KCNIP4: variants seen among roughly 807,000 people sequenced by gnomAD.
The protein encoded by KCNIP4 is potassium voltage-gated channel interacting protein 4.
A neutral mutation model predicts 34.0 loss-of-function variants in KCNIP4; 12 were observed. The ratio of observed to expected loss-of-function variants is 0.35; its 90% confidence interval spans 0.23 to 0.57. The LOEUF is 0.57. KCNIP4 is among the 20% of genes least tolerant of loss of function. KCNIP4 has a pLI of 0.83. For missense variants in KCNIP4, 238 were observed against 311.7 expected, an observed-to-expected ratio of 0.76 and a Z score of 1.78; for synonymous variants, 124 against 102.2, an observed-to-expected ratio of 1.21 and a Z score of -1.29.
intron 1 of KCNIP4, among the ~76,000 whole-genome samples, chr4:21,889,796 C>T (rs925665349): frequency 3.3e-5 from 5 of 152,096 alleles, no homozygotes; most frequent in African/African-American, 9.7e-5. Flanking sequence ...CAGGCAAGAC[C>T]GAATAATGCT....
In KCNIP4 at chr4:20,836,684, G is replaced by T. The variant is rs1171987509; in HGVS notation, c.288+13859C>A. The stretch of plus-strand genomic sequence containing the variant: ...CCACTCACATTATCAAGGGTAATCT[G>T]ATCTACTTAAAGTCAACTGATTATA... On this transcript the variant is annotated intron_variant, in intron 3 of 8. Coordinates refer to ENST00000382152, the MANE Select transcript of KCNIP4 (RefSeq NM_025221.6). Among the ~76,000 whole-genome samples, 3 of 152,134 alleles carry T rather than the reference G, an allele frequency of 2.0e-5. No individual in the cohort carries two copies. The East Asian group carries it at 5.8e-4, about 29-fold the overall frequency.
intron 1 of KCNIP4, among the ~76,000 whole-genome samples, chr4:21,442,282 G>A (rs1431676220): frequency 6.6e-6 from 1 of 152,106 alleles, no homozygotes; most frequent in Non-Finnish European, 1.5e-5. Context: ...TAGCACTTGT[G>A]GTTCATCATG....
intron 1 of KCNIP4, among the ~76,000 whole-genome samples, chr4:21,870,416 T>G (rs1725718430): frequency 6.6e-6 from 1 of 152,138 alleles, no homozygotes; most frequent in Admixed American, 6.6e-5. Flanking sequence ...GGGTCTAGCT[T>G]ATAGTAACCT....
In KCNIP4 at chr4:21,665,105, G is replaced by A. The variant is rs6822306; in HGVS notation, c.61+283466C>T. On this transcript the variant is annotated intron_variant, in intron 1 of 8. Transcript: ENST00000382152. ...GGACCAGCACAATGTCTGACATATA[G>A]TGGGCTCTCAATAAATCACTTCTGT... 2.5e-3 allele frequency among the ~76,000 whole-genome samples: 375 copies of A among 152,238 alleles called. 2 individuals carry two copies. Among genetic ancestry groups the A allele is most frequent in the African/African-American group, 8.7e-3 (361 of 41,542 alleles).
chr4:21,780,299 C>T (rs1253007593), intron 1 of KCNIP4, among the ~76,000 whole-genome samples: 3 of 152,054 alleles, frequency 2.0e-5, no homozygotes, highest in Non-Finnish European at 4.4e-5. Flanking sequence ...CCCAAAGGGT[C>T]AAAAATTCCC....
intron 1 of KCNIP4, among the ~76,000 whole-genome samples, chr4:21,365,881 T>C (rs563394430): frequency 6.6e-6 from 1 of 152,344 alleles, no homozygotes; most frequent in African/African-American, 2.4e-5. Flanking sequence ...CATTCTGAAA[T>C]ATCTGAAATT....
chr4:20,790,775 C>T (rs190471009), intron 3 of KCNIP4, among the ~76,000 whole-genome samples: 1 of 152,156 alleles, frequency 6.6e-6, no homozygotes, highest in East Asian at 1.9e-4. Context: ...AAAATGGTCA[C>T]CTGCAGTAAG....
chr4:21,411,867 A>C (rs1462844043), intron 1 of KCNIP4, among the ~76,000 whole-genome samples: 1 of 152,156 alleles, frequency 6.6e-6, no homozygotes, highest in African/African-American at 2.4e-5. Context: ...GAATTATCTT[A>C]CCAGTTTTTG....
intron 1 of KCNIP4, chr4:21,848,705 T>A (rs1724176799): frequency 6.6e-6 from 1 of 151,990 alleles, no homozygotes; most frequent in Non-Finnish European, 1.5e-5. Context: ...CAGGTAAACA[T>A]TATGGGTTAG....
chr4:20,792,284 G>T (rs1396649393), intron 3 of KCNIP4, among the ~76,000 whole-genome samples: 1 of 152,098 alleles, frequency 6.6e-6, no homozygotes, highest in Non-Finnish European at 1.5e-5. Flanking sequence ...TGAGGCAGGA[G>T]AATTGCTTGA....
chr4:20,826,488 G>A (rs958852055), intron 3 of KCNIP4, among the ~76,000 whole-genome samples: 68 of 151,946 alleles, frequency 4.5e-4, no homozygotes, highest in African/African-American at 1.6e-3. Context: ...GGGAGGTTGA[G>A]GTGGGAGGAT....
rs144606449 is a variant in KCNIP4, at chr4:21,736,106, C to A, written c.61+212465G>T. Among the ~76,000 whole-genome samples the A allele has an allele frequency of 2.9e-3, 447 of 152,212 alleles. 2 individuals are homozygous for A. Among genetic ancestry groups the A allele is most frequent in the African/African-American group, 0.01 (430 of 41,550 alleles). On this transcript the variant is annotated intron_variant, in intron 1 of 8. Transcript: ENST00000382152. ...GACTGTGGAAGCTGTCAGCCTGAGTCCCTGAATGCCTTTAATGAGCAGTCT... is the reference window on the plus strand; with the variant it reads ...GACTGTGGAAGCTGTCAGCCTGAGTACCTGAATGCCTTTAATGAGCAGTCT...
At chr4:21,825,625 T>A (rs1246808377) in intron 1 of KCNIP4, among the ~76,000 whole-genome samples, 1 of 152,158 alleles carries the variant, frequency 6.6e-6, no homozygotes, top group Non-Finnish European at 1.5e-5. Flanking sequence ...CTACAAAATA[T>A]TGTATACTAT....
chr4:21,303,174 C>G (rs1472510271), intron 1 of KCNIP4, among the ~76,000 whole-genome samples: 2 of 152,142 alleles, frequency 1.3e-5, no homozygotes, highest in South Asian at 2.1e-4. Flanking sequence ...GGAGAACAAG[C>G]CTCTAATGAA....
chr4:21,749,377 G>A (rs747220837), intron 1 of KCNIP4, among the ~76,000 whole-genome samples: 11 of 152,080 alleles, frequency 7.2e-5, no homozygotes, highest in Non-Finnish European at 1.0e-4. Context: ...CACGATGATC[G>A]CTGTCTTTCA....
At chr4:21,507,160 C>CA (rs572655640) in intron 1 of KCNIP4, among the ~76,000 whole-genome samples, 25 of 151,976 alleles carry the variant, frequency 1.6e-4, no homozygotes, top group African/African-American at 4.3e-4. Context: ...TTTAAACATG[C>CA]AATCAATATA....
intron 1 of KCNIP4, among the ~76,000 whole-genome samples, chr4:21,858,941 T>C (rs193080336): frequency 1.3e-5 from 2 of 152,268 alleles, no homozygotes; most frequent in Admixed American, 1.3e-4. Flanking sequence ...CACAGGAAAT[T>C]TAGAAAAACA....
At chr4:20,989,401 G>T (rs1318502094) in intron 1 of KCNIP4, among the ~76,000 whole-genome samples, 2 of 152,222 alleles carry the variant, frequency 1.3e-5, no homozygotes, top group African/African-American at 4.8e-5. Flanking sequence ...GGACTTGGAA[G>T]TGGACACAGG....
At chr4:21,349,643 C>A (rs1390686951) in intron 1 of KCNIP4, among the ~76,000 whole-genome samples, 1 of 152,032 alleles carries the variant, frequency 6.6e-6, no homozygotes, top group African/African-American at 2.4e-5. Flanking sequence ...CTAGTTATAC[C>A]CCAAGGAACA....
Sources: gnomAD v4.1 joint callset for allele counts (sites outside exome capture counted in the v4.1 genomes callset) on GRCh38, gnomAD v4.1.1 for gene constraint, MANE v1.5 for transcripts, NCBI Gene and HGNC (gene_info 2026-07-23, HGNC 2026-07-21) for gene names.